Variants in XPR1 observed in about 807,000 individuals in gnomAD.
The protein encoded by XPR1 is xenotropic and polytropic retrovirus receptor 1, also known as solute carrier family 53 member 1.
XPR1 carries 28 observed loss-of-function variants against 87.5 expected under a neutral mutation model. That is an observed-to-expected ratio of 0.32 (90% CI 0.24 to 0.44). The LOEUF (loss-of-function observed/expected upper bound fraction) is 0.44. Among genes scored for constraint, XPR1 ranks in the 20% least tolerant of loss-of-function variants. The pLI is 1.00. For synonymous variants in XPR1, 300 were observed against 306.1 expected (o/e 0.98, Z 0.21); for missense variants, 559 against 862.3 (o/e 0.65, Z 4.41).
chr1:180,874,101 GC>G, intron 13 of XPR1, 159 bp downstream of exon 13: 1 of 915,384 alleles, frequency 1.1e-6, no homozygotes, highest in Non-Finnish European at 1.6e-6. Context: ...AACCATGTTG[GC>G]CAGGCTGATC....
chr1:180,742,549 G>A (rs1256044921), intron 2 of XPR1, among the ~76,000 whole-genome samples: 1 of 152,046 alleles, frequency 6.6e-6, no homozygotes, highest in East Asian at 1.9e-4. Context: ...CCAGGATATA[G>A]TCTGTCTTGG....
At chr1:180,715,353 G>A (rs1402956822) in intron 2 of XPR1, among the ~76,000 whole-genome samples, 1 of 152,158 alleles carries the variant, frequency 6.6e-6, no homozygotes, top group Non-Finnish European at 1.5e-5. Flanking sequence ...TTTGTAAGTG[G>A]ACAGACCATG....
intron 2 of XPR1, among the ~76,000 whole-genome samples, chr1:180,724,359 A>T (rs551074597): frequency 6.6e-6 from 1 of 152,318 alleles, no homozygotes; most frequent in South Asian, 2.1e-4. Flanking sequence ...ATTTTAATTA[A>T]TTTTTACAGG....
At chr1:180,655,535 G>C (rs1306862337) in intron 1 of XPR1, among the ~76,000 whole-genome samples, 1 of 151,316 alleles carries the variant, frequency 6.6e-6, no homozygotes, top group African/African-American at 2.4e-5. Context: ...TGAGTAGCTG[G>C]GACTATAGTC....
At position 180,883,917 on chromosome 1, in the gene XPR1, T is replaced by C. The variant is rs1652925732; in HGVS notation, c.2031-89T>C. Reference sequence around the variant, plus strand: ...CCTGTTTAGGATGTATGTTTAATGATGGTAAGACTGGAAATGTGTCTAATA... The same window carrying C: ...CCTGTTTAGGATGTATGTTTAATGACGGTAAGACTGGAAATGTGTCTAATA... On this transcript the variant is annotated intron_variant, in intron 14 of 14. Transcript: ENST00000367590. The C allele has an allele frequency of 2.6e-6, 3 of 1,161,132 alleles. No individual in the cohort carries two copies. The South Asian group carries it at 4.0e-5, about 16-fold the overall frequency. 71.9% of individuals were successfully genotyped at this position (1,161,132 alleles called of 1,614,324 possible). A position where few individuals can be genotyped will look rare whatever the true frequency, so the allele number is the denominator to read the frequency against.
intron 2 of XPR1, among the ~76,000 whole-genome samples, chr1:180,785,381 C>T (rs943992264): frequency 2.0e-5 from 3 of 152,042 alleles, no homozygotes; most frequent in African/African-American, 2.4e-5. Context: ...TGGTCTCGAA[C>T]TCCTGACCTC....
At chr1:180,655,400 C>CTTTT (rs994780324) in intron 1 of XPR1, among the ~76,000 whole-genome samples, 5 of 131,472 alleles carry the variant, frequency 3.8e-5, no homozygotes, top group Non-Finnish European at 4.9e-5. Flanking sequence ...CTCTCTCTCT[C>CTTTT]TTTTTTTTTT....
intron 2 of XPR1, among the ~76,000 whole-genome samples, chr1:180,728,430 G>A (rs751409351): frequency 4.6e-5 from 7 of 152,180 alleles, no homozygotes; most frequent in Admixed American, 2.6e-4. Context: ...AGGAACTGCC[G>A]GAAACAAGAT....
intron 7 of XPR1, among the ~76,000 whole-genome samples, chr1:180,813,049 C>CA (rs941827681): frequency 6.9e-6 from 1 of 144,322 alleles, no homozygotes; most frequent in African/African-American, 2.6e-5. Flanking sequence ...TTCCCCCCCC[C>CA]CAATGGAAGT....
At chr1:180,856,296 C>T (rs1004505001) in intron 11 of XPR1, among the ~76,000 whole-genome samples, 3 of 151,650 alleles carry the variant, frequency 2.0e-5, no homozygotes, top group Non-Finnish European at 4.4e-5. Context: ...CTCTTTGAGT[C>T]TTTGGTATTA....
chr1:180,848,716 A>G (rs768535740), intron 11 of XPR1, among the ~76,000 whole-genome samples: 3 of 152,108 alleles, frequency 2.0e-5, no homozygotes, highest in Non-Finnish European at 4.4e-5. Context: ...GGTAGTTCCT[A>G]TATGCAGCTT....
At chr1:180,834,090 T>TG (rs946114919) in intron 9 of XPR1, among the ~76,000 whole-genome samples, 4 of 152,146 alleles carry the variant, frequency 2.6e-5, no homozygotes, top group African/African-American at 9.6e-5. Flanking sequence ...GTAATAATTT[T>TG]TTTTTTTTTT....
intron 2 of XPR1, among the ~76,000 whole-genome samples, chr1:180,691,225 C>T (rs574965331): frequency 9.9e-5 from 15 of 151,964 alleles, no homozygotes; most frequent in African/African-American, 1.4e-4. Context: ...CCAATTAAAC[C>T]GTTTCTTTTT....
intron 2 of XPR1, among the ~76,000 whole-genome samples, chr1:180,699,187 T>G (rs917382217): frequency 6.6e-6 from 1 of 150,668 alleles, no homozygotes; most frequent in Non-Finnish European, 1.5e-5. Flanking sequence ...ACATAGGCTT[T>G]CTTTAGTTTC....
In XPR1 at chr1:180,803,470, T is replaced by C. The variant is rs771623191; in HGVS notation, c.306T>C (p.Thr102=). Reference sequence around the variant, plus strand: ...CACTGGATGCACAGAAAGAAAGCACTGGTGTTACTACGCTGCGACAACGCA... The same window carrying C: ...CACTGGATGCACAGAAAGAAAGCACCGGTGTTACTACGCTGCGACAACGCA... ...QSSLDAQKES[T]GVTTLRQRRK... The change falls in exon 4 of 15, where the codon ACT becomes ACC. Residue 102 remains threonine, a synonymous_variant. Coordinates refer to ENST00000367590, the MANE Select transcript of XPR1 (RefSeq NM_004736.4). 6.2e-7 allele frequency: 1 copy of C among 1,614,078 alleles called. No homozygotes were observed. The highest frequency in any genetic ancestry group is 8.5e-7 in the Non-Finnish European group (1 of 1,179,992).
chr1:180,759,354 C>G lies in XPR1; in HGVS notation c.122-28399C>G, dbSNP rs190941505. Among the ~76,000 whole-genome samples the G allele has an allele frequency of 2.0e-5, 3 of 151,960 alleles. 1 individual carries two copies. Among genetic ancestry groups the G allele is most frequent in the Admixed American group, 2.0e-4 (3 of 15,248 alleles). ...TGGTTTTTTGAAAGATCAACAAAAT[C>G]GATAGACCGCTAGTAAGACTAATAA... On this transcript the variant is annotated intron_variant, in intron 2 of 14. Coordinates refer to ENST00000367590, the MANE Select transcript of XPR1 (RefSeq NM_004736.4).
At chr1:180,845,222 G>A (rs1320440478) in intron 11 of XPR1, among the ~76,000 whole-genome samples, 1 of 152,188 alleles carries the variant, frequency 6.6e-6, no homozygotes, top group Non-Finnish European at 1.5e-5. Flanking sequence ...AACTCATTCT[G>A]TTGGTAGAGT....
rs576223635 is a variant in XPR1 at position 180,824,774 on chromosome 1, A to C, written c.785A>C (p.Asp262Ala). Residue 262 changes from aspartate (D) to alanine (A), a missense_variant, in exon 8 of 15, where the codon GAT (aspartate) becomes GCT (alanine). Coordinates refer to ENST00000367590, the MANE Select transcript of XPR1 (RefSeq NM_004736.4). ...TCAGCTGTATTTAAACTTGAAACAG[A>C]TAGAAGTATATGGCCCTTGATAAGA... Reference protein sequence around the residue: ...VLAAVFKLETDRSIWPLIRIY... With the variant: ...VLAAVFKLETARSIWPLIRIY... 8.1e-6 allele frequency: 13 copies of C among 1,612,494 alleles called. No homozygotes were observed. In the South Asian group the frequency reaches 1.4e-4, roughly 18 times the overall value.
intron 1 of XPR1, among the ~76,000 whole-genome samples, chr1:180,659,435 CCTT>C (rs1357447563): frequency 3.8e-5 from 5 of 132,876 alleles, no homozygotes; most frequent in Admixed American, 7.6e-5. Context: ...TTCCTTCCTT[CCTT>C]CTTCCCTCCT....
Sources: gnomAD v4.1 joint callset for allele counts (sites outside exome capture counted in the v4.1 genomes callset) on GRCh38, gnomAD v4.1.1 for gene constraint, MANE v1.5 for transcripts, NCBI Gene and HGNC (gene_info 2026-07-23, HGNC 2026-07-21) for gene names.